Variants in LHFPL3 observed in about 807,000 individuals in gnomAD.
LHFPL3 encodes the protein LHFPL tetraspan subfamily member 3 protein.
A neutral mutation model predicts 19.3 loss-of-function variants in LHFPL3; 5 were observed. The observed-to-expected ratio is 0.26, with a 90% CI of 0.14 to 0.54. LHFPL3 has a LOEUF of 0.54. Ranked by LOEUF, LHFPL3 falls within the 20% of genes least tolerant of loss-of-function variation. The pLI, the probability that LHFPL3 is intolerant of heterozygous loss-of-function variation, is 0.94. For missense variants in LHFPL3, 249 were observed against 307.4 expected (o/e 0.81, Z 1.42); for synonymous variants, 133 against 126.2 (o/e 1.05, Z -0.36).
intron 1 of LHFPL3, among the ~76,000 whole-genome samples, chr7:104,661,439 A>G (rs1324733238): frequency 6.6e-6 from 1 of 152,172 alleles, no homozygotes; most frequent in Non-Finnish European, 1.5e-5. Flanking sequence ...TTACTCACAT[A>G]TGCTTGTTCT....
intron 2 of LHFPL3, among the ~76,000 whole-genome samples, chr7:104,780,579 T>C (rs1209571373): frequency 6.6e-6 from 1 of 152,120 alleles, no homozygotes. Context: ...TTGAGATTCG[T>C]GTCACCAGGC....
chr7:104,790,727 A>G (rs1166650015), intron 2 of LHFPL3, among the ~76,000 whole-genome samples: 3 of 152,194 alleles, frequency 2.0e-5, no homozygotes, highest in African/African-American at 7.2e-5. Context: ...TGAAATTCAT[A>G]TCCAACCAGT....
intron 1 of LHFPL3, among the ~76,000 whole-genome samples, chr7:104,415,617 C>T (rs1791606244): frequency 6.6e-6 from 1 of 152,156 alleles, no homozygotes; most frequent in South Asian, 2.1e-4. Flanking sequence ...TTCTTGGTAA[C>T]CTAAATACCT....
At chr7:104,382,843 G>A (rs916432539) in intron 1 of LHFPL3, among the ~76,000 whole-genome samples, 1 of 152,192 alleles carries the variant, frequency 6.6e-6, no homozygotes, top group Non-Finnish European at 1.5e-5. Context: ...CTCACCTGCT[G>A]TATGATTAGT....
At chr7:104,430,405 C>CATGTAT (rs1791953958) in intron 1 of LHFPL3, among the ~76,000 whole-genome samples, 7 of 22,456 alleles carry the variant, frequency 3.1e-4, no homozygotes, top group Non-Finnish European at 5.3e-4. Flanking sequence ...TATATATATA[C>CATGTAT]ATATATATAT....
intron 1 of LHFPL3, among the ~76,000 whole-genome samples, chr7:104,337,235 G>A (rs563522933): frequency 6.6e-6 from 1 of 152,208 alleles, no homozygotes; most frequent in South Asian, 2.1e-4. Context: ...TGTGAAGAAT[G>A]GCAGGTATAT....
chr7:104,588,752 T>C (rs1790640522), intron 1 of LHFPL3, among the ~76,000 whole-genome samples: 1 of 152,240 alleles, frequency 6.6e-6, no homozygotes, highest in African/African-American at 2.4e-5. Context: ...TCCACGAGTA[T>C]GGAATGTTCT....
chr7:104,611,307 T>C (rs1584437900), intron 1 of LHFPL3, among the ~76,000 whole-genome samples: 1 of 152,244 alleles, frequency 6.6e-6, no homozygotes, highest in East Asian at 1.9e-4. Context: ...TTCTGCAGAT[T>C]AGATCCAAAG....
chr7:104,370,721 A>G (rs1020206609), intron 1 of LHFPL3, among the ~76,000 whole-genome samples: 2 of 152,096 alleles, frequency 1.3e-5, no homozygotes, highest in Admixed American at 1.3e-4. Flanking sequence ...TCTCTACTAA[A>G]AATACAAAAA....
At chr7:104,624,227 A>G (rs1285999133) in intron 1 of LHFPL3, among the ~76,000 whole-genome samples, 6 of 152,202 alleles carry the variant, frequency 3.9e-5, no homozygotes, top group Non-Finnish European at 8.8e-5. Context: ...ACGAGCGTCT[A>G]TCTCCAAAAC....
At chr7:104,859,889 G>A (rs987287723) in intron 2 of LHFPL3, among the ~76,000 whole-genome samples, 2 of 152,134 alleles carry the variant, frequency 1.3e-5, no homozygotes, top group South Asian at 4.1e-4. Context: ...TGTAACAAAT[G>A]TATCACTGGT....
intron 1 of LHFPL3, among the ~76,000 whole-genome samples, chr7:104,388,843 A>AAG (rs397759382): frequency 1.3e-5 from 2 of 151,672 alleles, no homozygotes; most frequent in Admixed American, 6.6e-5. Context: ...TGGAAAAAAA[A>AAG]GTGTTCAACA....
At chr7:104,677,364 T>TA (rs1472564828) in intron 1 of LHFPL3, among the ~76,000 whole-genome samples, 2 of 111,002 alleles carry the variant, frequency 1.8e-5, no homozygotes, top group Non-Finnish European at 4.1e-5. Context: ...CCCAGTCTTC[T>TA]TAAAAAAAAA....
At chr7:104,381,406 A>G (rs933036689) in intron 1 of LHFPL3, among the ~76,000 whole-genome samples, 9 of 152,222 alleles carry the variant, frequency 5.9e-5, no homozygotes, top group Non-Finnish European at 5.9e-5. Context: ...CACTACATAA[A>G]GATCCAAAAC....
chr7:104,506,505 T>C (rs908576458), intron 1 of LHFPL3, among the ~76,000 whole-genome samples: 1 of 152,232 alleles, frequency 6.6e-6, no homozygotes, highest in Non-Finnish European at 1.5e-5. Context: ...GTCCTGAGGC[T>C]GTGTTATACT....
intron 1 of LHFPL3, among the ~76,000 whole-genome samples, chr7:104,331,044 A>G (rs780472746): frequency 1.4e-4 from 21 of 152,234 alleles, no homozygotes; most frequent in Non-Finnish European, 2.5e-4. Context: ...TCAATGTTTG[A>G]TTTTTATGAG....
chr7:104,621,796 T>TCAATGCATTCACAA (rs1791450774), intron 1 of LHFPL3, among the ~76,000 whole-genome samples: 1 of 152,108 alleles, frequency 6.6e-6, no homozygotes, highest in South Asian at 2.1e-4. Context: ...AAGAGATGAC[T>TCAATGCATTCACAA]CCTCCACTGA....
At chr7:104,633,966 G>T (rs1194437643) in intron 1 of LHFPL3, among the ~76,000 whole-genome samples, 1 of 152,108 alleles carries the variant, frequency 6.6e-6, no homozygotes, top group Non-Finnish European at 1.5e-5. Flanking sequence ...AGACTTCTTT[G>T]GTAGCGTCAA....
intron 2 of LHFPL3, among the ~76,000 whole-genome samples, chr7:104,874,410 G>A (rs1387677966): frequency 6.8e-6 from 1 of 147,478 alleles, no homozygotes; most frequent in Non-Finnish European, 1.5e-5. Context: ...TTTTTTTGGG[G>A]GGGGGACAGA....
Sources: allele counts gnomAD v4.1 joint callset (sites outside exome capture counted in the v4.1 genomes callset), GRCh38; gene constraint gnomAD v4.1.1; transcripts MANE v1.5; gene names NCBI Gene and HGNC (gene_info 2026-07-23, HGNC 2026-07-21).